Variants in AGMO observed in about 807,000 individuals in gnomAD.
The protein encoded by AGMO is alkylglycerol monooxygenase.
Under a neutral mutation model 60.2 loss-of-function variants are expected in AGMO, and 75 were observed. The ratio of observed to expected loss-of-function variants is 1.25; its 90% CI spans 1.03 to 1.51. The LOEUF (loss-of-function observed/expected upper bound fraction) is 1.51, where lower values mean the gene tolerates loss of function less well. Ranked by LOEUF, AGMO falls within the 40% of genes most tolerant of loss-of-function variation. The probability of loss-of-function intolerance (pLI) is 0.00; values close to 1 mark genes in which losing one functional copy is unlikely to be tolerated. For synonymous variants in AGMO, 261 were observed against 177.1 expected, an observed-to-expected ratio of 1.47 and a Z score of -3.76; for missense variants, 763 against 525.5, an observed-to-expected ratio of 1.45 and a Z score of -4.42.
intron 12 of AGMO, among the ~76,000 whole-genome samples, chr7:15,308,839 C>T (rs1046224967): frequency 6.6e-5 from 10 of 152,088 alleles, no homozygotes; most frequent in East Asian, 1.9e-4. Context: ...AACAAAGTTT[C>T]GCAATGGTTA....
At chr7:15,231,149 C>T (rs1782247913) in intron 12 of AGMO, among the ~76,000 whole-genome samples, 1 of 152,116 alleles carries the variant, frequency 6.6e-6, no homozygotes, top group Non-Finnish European at 1.5e-5. Context: ...AGACTGCCAC[C>T]ACTCCCCTGC....
chr7:15,284,128 A>G (rs1350877896), intron 12 of AGMO, among the ~76,000 whole-genome samples: 1 of 152,048 alleles, frequency 6.6e-6, no homozygotes, highest in Non-Finnish European at 1.5e-5. Flanking sequence ...ATCAAAAAGT[A>G]TAAAAGATCA....
chr7:15,372,742 G>A (rs933000548), intron 10 of AGMO, among the ~76,000 whole-genome samples: 8 of 152,018 alleles, frequency 5.3e-5, no homozygotes, highest in African/African-American at 1.9e-4. Flanking sequence ...ATAACAGGGA[G>A]GATTTTATTT....
At chr7:15,125,425 T>C in the AGMO span, among the ~76,000 whole-genome samples, 40 of 152,260 alleles carry the variant, frequency 2.6e-4, no homozygotes, top group African/African-American at 9.4e-4. Flanking sequence ...AGCTTAATGC[T>C]AAGATGTGAC....
intron 12 of AGMO, among the ~76,000 whole-genome samples, chr7:15,309,080 A>C (rs1339143210): frequency 6.6e-6 from 1 of 152,188 alleles, no homozygotes; most frequent in African/African-American, 2.4e-5. Flanking sequence ...ATCAAGCAAT[A>C]GTTCATCAGC....
chr7:15,188,499 G>C, the AGMO span, among the ~76,000 whole-genome samples: 1 of 152,158 alleles, frequency 6.6e-6, no homozygotes, highest in South Asian at 2.1e-4. Context: ...AAGGACATGA[G>C]TCTGTAGTTA....
chr7:15,530,648 ATATT>A (rs1409762036), intron 3 of AGMO, among the ~76,000 whole-genome samples: 1 of 139,000 alleles, frequency 7.2e-6, no homozygotes, highest in East Asian at 2.1e-4. Context: ...TTCTATATAT[ATATT>A]CTATATACGT....
intron 10 of AGMO, among the ~76,000 whole-genome samples, chr7:15,368,376 G>C (rs1783066532): frequency 6.6e-6 from 1 of 151,544 alleles, no homozygotes; most frequent in Non-Finnish European, 1.5e-5. Context: ...TCACTATATT[G>C]CTTCATTGTG....
chr7:15,220,798 C>A (rs1017188419), intron 12 of AGMO, among the ~76,000 whole-genome samples: 3 of 151,938 alleles, frequency 2.0e-5, no homozygotes, highest in Non-Finnish European at 4.4e-5. Context: ...CCATAAATAG[C>A]ATATATTTTC....
chr7:15,371,076 A>C (rs1783191327), intron 10 of AGMO, among the ~76,000 whole-genome samples: 1 of 152,296 alleles, frequency 6.6e-6, no homozygotes. Flanking sequence ...AGAAGAATGA[A>C]ACCAGACCCC....
chr7:15,509,329 T>C (rs1371486642), intron 3 of AGMO, among the ~76,000 whole-genome samples: 5 of 151,178 alleles, frequency 3.3e-5, no homozygotes, highest in Non-Finnish European at 5.9e-5. Context: ...GAAAGAACAG[T>C]CTCTTTAATA....
intron 12 of AGMO, among the ~76,000 whole-genome samples, chr7:15,237,229 G>A (rs1782450031): frequency 6.6e-6 from 1 of 152,110 alleles, no homozygotes; most frequent in South Asian, 2.1e-4. Context: ...AAGTGTGCGT[G>A]GAGAAATTGT....
chr7:15,396,116 G>C (rs746397104), intron 5 of AGMO: 4 of 152,170 alleles, frequency 2.6e-5, no homozygotes, highest in Non-Finnish European at 5.9e-5. Flanking sequence ...TTTCAGAACG[G>C]ACAGAAATAT....
intron 3 of AGMO, among the ~76,000 whole-genome samples, chr7:15,465,699 G>C (rs1404296339): frequency 1.3e-5 from 2 of 151,010 alleles, no homozygotes; most frequent in Non-Finnish European, 2.9e-5. Context: ...TCTCTCCTCA[G>C]CCTCCCAAAA....
the AGMO span, among the ~76,000 whole-genome samples, chr7:15,172,825 T>C: frequency 6.6e-6 from 1 of 152,128 alleles, no homozygotes; most frequent in Non-Finnish European, 1.5e-5. Context: ...GGAGAGCTCA[T>C]GGAAGAGGAT....
chr7:15,454,064 G>C (rs1030413015), intron 3 of AGMO, among the ~76,000 whole-genome samples: 3 of 149,132 alleles, frequency 2.0e-5, no homozygotes, highest in Non-Finnish European at 3.0e-5. Flanking sequence ...AGAATTTTGA[G>C]AGAACTTAAT....
chr7:15,545,034 C>A, intron 2 of AGMO, 111 bp from the exon 3 acceptor site: 2 of 753,922 alleles, frequency 2.7e-6, no homozygotes, highest in Non-Finnish European at 3.8e-6. Context: ...AAAAATGAAA[C>A]TCTTTCTTCT....
intron 3 of AGMO, among the ~76,000 whole-genome samples, chr7:15,532,358 A>G (rs530438466): frequency 4.1e-4 from 63 of 152,302 alleles, no homozygotes; most frequent in African/African-American, 1.5e-3. Flanking sequence ...CCTTGGGCCA[A>G]TGTATTAAGG....
chr7:15,510,221 A>T (rs141252659), intron 3 of AGMO, among the ~76,000 whole-genome samples: 5 of 152,214 alleles, frequency 3.3e-5, no homozygotes, highest in African/African-American at 1.2e-4. Context: ...GCTGAAGCAC[A>T]ATGGTGTGAA....
Sources: allele counts gnomAD v4.1 joint callset (sites outside exome capture counted in the v4.1 genomes callset), GRCh38; gene constraint gnomAD v4.1.1; transcripts MANE v1.5; gene names NCBI Gene and HGNC (gene_info 2026-07-23, HGNC 2026-07-21).